SHISA9: variants seen among roughly 807,000 people sequenced by gnomAD.
SHISA9 encodes the protein shisa family member 9.
In SHISA9, 13 loss-of-function variants were observed where a neutral mutation model predicts 38.0. The observed-to-expected ratio is 0.34, with a 90% CI of 0.22 to 0.54. The LOEUF (loss-of-function observed/expected upper bound fraction) is 0.54. SHISA9 is among the 20% of genes least tolerant of loss of function. SHISA9 has a pLI of 0.91. For synonymous variants in SHISA9, 275 were observed against 242.0 expected (o/e 1.14, Z -1.27); for missense variants, 538 against 575.8 (o/e 0.93, Z 0.67).
chr16:13,152,067 A>G (rs2050504452), intron 2 of SHISA9, among the ~76,000 whole-genome samples: 1 of 152,202 alleles, frequency 6.6e-6, no homozygotes. Context: ...AGGAAAACAA[A>G]GCAGAAACCT....
chr16:13,226,410 A>G (rs779204499), intron 4 of SHISA9, among the ~76,000 whole-genome samples: 7 of 152,214 alleles, frequency 4.6e-5, no homozygotes, highest in Non-Finnish European at 8.8e-5. Flanking sequence ...ATGGTTAGTT[A>G]AATGAATAGG....
chr16:13,005,109 C>A (rs1266015990), intron 2 of SHISA9, among the ~76,000 whole-genome samples: 1 of 151,904 alleles, frequency 6.6e-6, no homozygotes, highest in African/African-American at 2.4e-5. Context: ...AGAGGAGGTG[C>A]CATTCCTGAG....
chr16:13,068,122 A>G (rs1473603083), intron 2 of SHISA9, among the ~76,000 whole-genome samples: 1 of 152,122 alleles, frequency 6.6e-6, no homozygotes, highest in Admixed American at 6.5e-5. Context: ...CATAAATGAG[A>G]GTTCTGGGTC....
chr16:13,467,232 TG>T, the SHISA9 span, among the ~76,000 whole-genome samples: 1 of 151,920 alleles, frequency 6.6e-6, no homozygotes, highest in Non-Finnish European at 1.5e-5. Context: ...GCCTTCTATG[TG>T]GGGGGGTAGC....
At chr16:12,923,185 C>G (rs905697486) in intron 2 of SHISA9, among the ~76,000 whole-genome samples, 1 of 152,134 alleles carries the variant, frequency 6.6e-6, no homozygotes, top group African/African-American at 2.4e-5. Context: ...AATTAAAGAA[C>G]TAATCTACCA....
chr16:13,374,446 C>T, the SHISA9 span, among the ~76,000 whole-genome samples: 2 of 152,062 alleles, frequency 1.3e-5, no homozygotes, highest in African/African-American at 2.4e-5. Context: ...ATAGTTTGCT[C>T]AGAATGATGG....
rs200194973 is a variant in SHISA9 at position 12,968,189 on chromosome 16, C to CAAAAAAAAAAA, written c.691+51401_691+51411dup. On this transcript the variant is annotated intron_variant, in intron 2 of 4. Transcript: ENST00000558583. Reference sequence around the variant, plus strand: ...TGGGTGACAGAGGAAGGCTCCATCTCAAAAAAAAAAAAAAAAAAAAAAAAA... The same window carrying CAAAAAAAAAAA: ...TGGGTGACAGAGGAAGGCTCCATCTCAAAAAAAAAAAAAAAAAAAAAAAAAAAAAAAAAAAA... Among the ~76,000 whole-genome samples, 14 of 82,042 alleles carry CAAAAAAAAAAA rather than the reference C, an allele frequency of 1.7e-4. 1 individual carries two copies. Among genetic ancestry groups the CAAAAAAAAAAA allele is most frequent in the African/African-American group, 6.4e-4 (13 of 20,334 alleles). 53.8% of individuals were successfully genotyped at this position (82,042 alleles called of 152,430 possible). A position where few individuals can be genotyped will look rare whatever the true frequency, so the allele number is the denominator to read the frequency against.
chr16:13,490,767 C>G, the SHISA9 span, among the ~76,000 whole-genome samples: 1 of 152,160 alleles, frequency 6.6e-6, no homozygotes, highest in Non-Finnish European at 1.5e-5. Flanking sequence ...GCACTTAGCA[C>G]TTAGAAGGTG....
At chr16:13,298,832 C>G in the SHISA9 span, among the ~76,000 whole-genome samples, 3 of 152,218 alleles carry the variant, frequency 2.0e-5, no homozygotes, top group Non-Finnish European at 4.4e-5. Flanking sequence ...ATGCTGAGAT[C>G]TGGCCTAATT....
At chr16:13,144,553 G>A (rs1217491500) in intron 2 of SHISA9, among the ~76,000 whole-genome samples, 1 of 152,106 alleles carries the variant, frequency 6.6e-6, no homozygotes, top group African/African-American at 2.4e-5. Context: ...TCACCTCACT[G>A]TTGGCCATGT....
chr16:13,295,165 C>A, the SHISA9 span, among the ~76,000 whole-genome samples: 1 of 152,124 alleles, frequency 6.6e-6, no homozygotes, highest in Admixed American at 6.5e-5. Flanking sequence ...ATTAGAAATG[C>A]AGACTTTTGC....
chr16:13,165,029 T>C (rs1252923191), intron 2 of SHISA9, among the ~76,000 whole-genome samples: 1 of 152,192 alleles, frequency 6.6e-6, no homozygotes, highest in Non-Finnish European at 1.5e-5. Context: ...TCTGGTTGGT[T>C]TTCAGCAATT....
chr16:12,978,604 A>G (rs561929870), intron 2 of SHISA9, among the ~76,000 whole-genome samples: 1 of 152,320 alleles, frequency 6.6e-6, no homozygotes, highest in Non-Finnish European at 1.5e-5. Flanking sequence ...TCTGCTTATT[A>G]TTAATGTGAA....
intron 2 of SHISA9, among the ~76,000 whole-genome samples, chr16:13,167,961 C>G (rs1214209973): frequency 6.6e-6 from 1 of 152,142 alleles, no homozygotes; most frequent in Non-Finnish European, 1.5e-5. Flanking sequence ...CTTTCCATGG[C>G]TGATAGTTTC....
chr16:13,203,149 G>A (rs762392676), intron 2 of SHISA9: 10 of 361,136 alleles, frequency 2.8e-5, no homozygotes, highest in Admixed American at 9.1e-5. Flanking sequence ...TAACATGTTA[G>A]TTTAACATGT....
intron 2 of SHISA9, among the ~76,000 whole-genome samples, chr16:13,130,629 G>C (rs2050298289): frequency 6.6e-6 from 1 of 151,930 alleles, no homozygotes; most frequent in Non-Finnish European, 1.5e-5. Flanking sequence ...ATTTTCATAG[G>C]TTTAAAAAAA....
chr16:13,259,338 C>T, the SHISA9 span, among the ~76,000 whole-genome samples: 1 of 152,206 alleles, frequency 6.6e-6, no homozygotes, highest in African/African-American at 2.4e-5. Flanking sequence ...CTGCCTCCCT[C>T]CTGGCTGCTT....
intron 2 of SHISA9, among the ~76,000 whole-genome samples, chr16:12,953,758 A>G (rs1228908175): frequency 6.6e-6 from 1 of 152,160 alleles, no homozygotes; most frequent in Non-Finnish European, 1.5e-5. Context: ...ATTTATAAAG[A>G]AAGGAGGTTT....
At chr16:12,917,866 G>A (rs1222226155) in intron 2 of SHISA9, among the ~76,000 whole-genome samples, 1 of 152,166 alleles carries the variant, frequency 6.6e-6, no homozygotes, top group Non-Finnish European at 1.5e-5. Context: ...TTTATTTGCT[G>A]AATCATAGTT....
Sources: gnomAD v4.1 joint callset for allele counts (sites outside exome capture counted in the v4.1 genomes callset) on GRCh38, gnomAD v4.1.1 for gene constraint, MANE v1.5 for transcripts, NCBI Gene and HGNC (gene_info 2026-07-23, HGNC 2026-07-21) for gene names.